The following SNX9 variants were observed in gnomAD, a reference collection of about 807,000 sequenced individuals.
SNX9 encodes the protein sorting nexin 9.
SNX9 carries 44 observed loss-of-function variants against 89.4 expected under a neutral mutation model. The ratio of observed to expected loss-of-function variants is 0.49; its 90% confidence interval spans 0.39 to 0.63. SNX9 has a LOEUF of 0.63. Ranked by LOEUF, SNX9 falls within the 30% of genes least tolerant of loss-of-function variation. SNX9 has a pLI of 0.00. For missense variants in SNX9, 578 were observed against 736.1 expected (o/e 0.79, Z 2.49); for synonymous variants, 236 against 247.8 (o/e 0.95, Z 0.45).
At chr6:157,878,555 C>T (rs983000999) in intron 4 of SNX9, among the ~76,000 whole-genome samples, 9 of 151,774 alleles carry the variant, frequency 5.9e-5, no homozygotes, top group African/African-American at 2.2e-4. Flanking sequence ...GCGTCAATCT[C>T]CTGAGTAGCT....
At chr6:157,890,113 A>C (rs11966197) in intron 4 of SNX9, among the ~76,000 whole-genome samples, 13,614 of 152,254 alleles carry the variant, frequency 0.089, 841 homozygotes, top group African/African-American at 0.17. Context: ...TACTTGAGTC[A>C]ATTCCAATAG....
At chr6:157,903,289 G>T (rs1399543303) in intron 6 of SNX9, among the ~76,000 whole-genome samples, 1 of 152,094 alleles carries the variant, frequency 6.6e-6, no homozygotes, top group East Asian at 1.9e-4. Context: ...CATATATTTA[G>T]ACATCAAGAT....
intron 1 of SNX9, among the ~76,000 whole-genome samples, chr6:157,855,535 C>T (rs1781993105): frequency 6.6e-6 from 1 of 152,180 alleles, no homozygotes; most frequent in Admixed American, 6.5e-5. Context: ...ATGGTGTTAG[C>T]AGAGTTTTGC....
chr6:157,827,490 C>CATATA (rs1491386320), intron 1 of SNX9, among the ~76,000 whole-genome samples: 1 of 2,550 alleles, frequency 3.9e-4, no homozygotes, highest in Non-Finnish European at 5.9e-4. Flanking sequence ...AATATATAAA[C>CATATA]TTATAGTTTA....
At chr6:157,901,865 T>G (rs758708033) in intron 5 of SNX9, 33 bp from the exon 6 acceptor site, 50 of 1,567,614 alleles carry the variant, frequency 3.2e-5, no homozygotes, top group Admixed American at 3.1e-4. Context: ...TTTTTTTTTT[T>G]TTTAACTGAT....
chr6:157,834,166 T>TTG (rs1781532858), intron 1 of SNX9, among the ~76,000 whole-genome samples: 1 of 115,644 alleles, frequency 8.6e-6, no homozygotes, highest in Non-Finnish European at 1.8e-5. Flanking sequence ...TTTTTTTTTT[T>TTG]TTTTTTTTTT....
chr6:157,834,955 AG>A (rs1166286816), intron 1 of SNX9, among the ~76,000 whole-genome samples: 2 of 152,240 alleles, frequency 1.3e-5, no homozygotes, highest in Non-Finnish European at 2.9e-5. Flanking sequence ...TGGTTACAAT[AG>A]GTTGAGCTGT....
chr6:157,930,055 C>T (rs148114673), intron 12 of SNX9, among the ~76,000 whole-genome samples: 3 of 152,082 alleles, frequency 2.0e-5, no homozygotes, highest in African/African-American at 7.2e-5. Context: ...ACTTGTGGCT[C>T]CATAAAGCCT....
chr6:157,941,508 C>T (rs920843541), intron 17 of SNX9, among the ~76,000 whole-genome samples: 5 of 152,198 alleles, frequency 3.3e-5, no homozygotes, highest in Non-Finnish European at 5.9e-5. Flanking sequence ...CTTACCTCTG[C>T]TTAGTAATTT....
chr6:157,826,223 G>A (rs1476841352), intron 1 of SNX9, among the ~76,000 whole-genome samples: 1 of 152,060 alleles, frequency 6.6e-6, no homozygotes, highest in East Asian at 1.9e-4. Context: ...AATCAGGGTC[G>A]GGCGCCGTCT....
chr6:157,828,618 C>A (rs35581170), intron 1 of SNX9, among the ~76,000 whole-genome samples: 1 of 152,108 alleles, frequency 6.6e-6, no homozygotes, highest in Non-Finnish European at 1.5e-5. Flanking sequence ...CTCAGTCTCC[C>A]AAGTAGCTGG....
intron 1 of SNX9, among the ~76,000 whole-genome samples, chr6:157,845,929 TATC>T (rs1383005904): frequency 1.3e-5 from 2 of 152,254 alleles, no homozygotes; most frequent in Non-Finnish European, 2.9e-5. Context: ...CCTAGTGCCA[TATC>T]ATAATTTACA....
Position 157,943,645 on chromosome 6 carries a change from T to C in SNX9, c.*807T>C, listed in dbSNP as rs1287996365. 1 of 152,376 alleles carries C rather than the reference T, an allele frequency of 6.6e-6. No homozygotes were observed. The highest frequency in any genetic ancestry group is 1.5e-5 in the Non-Finnish European group (1 of 68,138). The allele number at this position is 152,376 out of a possible 1,614,324, so 9.4% of individuals were successfully genotyped here. A position where few individuals can be genotyped will look rare whatever the true frequency, so the allele number is the denominator to read the frequency against. ...TGCCATGAAGAATACATTAGAAGAA[T>C]TGAGGGACTTTGTAGAGAATTTTGT... On this transcript the variant is annotated 3_prime_UTR_variant, in exon 18 of 18. Transcript: ENST00000392185.
At chr6:157,897,503 ATTATTG>A (rs2115165124) in intron 5 of SNX9, among the ~76,000 whole-genome samples, 1 of 151,780 alleles carries the variant, frequency 6.6e-6, no homozygotes, top group East Asian at 1.9e-4. Context: ...GGCATGATCG[ATTATTG>A]TTATTATTAT....
chr6:157,893,768 A>G (rs554416931), intron 4 of SNX9, among the ~76,000 whole-genome samples: 9 of 152,186 alleles, frequency 5.9e-5, no homozygotes, highest in Non-Finnish European at 1.2e-4. Context: ...ATTCAAATGA[A>G]AATCAGTATT....
At chr6:157,839,424 T>C (rs998157543) in intron 1 of SNX9, among the ~76,000 whole-genome samples, 3 of 152,178 alleles carry the variant, frequency 2.0e-5, no homozygotes, top group Non-Finnish European at 4.4e-5. Context: ...CATGTAATGG[T>C]GATATAGCAT....
chr6:157,940,867 C>T lies in SNX9; in HGVS notation c.1649-16C>T, dbSNP rs912879. ...ACTTGAGGGAAAACTGATTGATGTTCTGATTTGGGTTGTAGCTGAGATGAA... is the reference window on the plus strand; with the variant it reads ...ACTTGAGGGAAAACTGATTGATGTTTTGATTTGGGTTGTAGCTGAGATGAA... On this transcript the variant is annotated splice_polypyrimidine_tract_variant and intron_variant, in intron 16 of 17. Coordinates refer to ENST00000392185, the MANE Select transcript of SNX9 (RefSeq NM_016224.5). 0.76 allele frequency: 1,231,434 copies of T among 1,611,000 alleles called. 473,822 individuals are homozygous for T. The highest frequency in any genetic ancestry group is 0.95 in the African/African-American group (71,430 of 74,998).
intron 1 of SNX9, among the ~76,000 whole-genome samples, chr6:157,859,911 G>A (rs1782084878): frequency 6.7e-6 from 1 of 149,862 alleles, no homozygotes; most frequent in Non-Finnish European, 1.5e-5. Flanking sequence ...ACATAATTTT[G>A]TTCCGGGTCA....
chr6:157,904,102 GA>G (rs1215893064), intron 6 of SNX9, among the ~76,000 whole-genome samples: 1 of 152,068 alleles, frequency 6.6e-6, no homozygotes, highest in Non-Finnish European at 1.5e-5. Flanking sequence ...TCTTATACTA[GA>G]AAAAGAGATC....
Sources: allele counts gnomAD v4.1 joint callset (sites outside exome capture counted in the v4.1 genomes callset), GRCh38; gene constraint gnomAD v4.1.1; transcripts MANE v1.5; gene names NCBI Gene and HGNC (gene_info 2026-07-23, HGNC 2026-07-21).